TIMM9: variants seen among roughly 807,000 people sequenced by gnomAD.
TIMM9 encodes translocase of inner mitochondrial membrane 9, also known as mitochondrial import inner membrane translocase subunit Tim9.
In TIMM9, 10 loss-of-function variants were observed where a neutral mutation model predicts 13.4. The ratio of observed to expected loss-of-function variants is 0.75; its 90% confidence interval spans 0.46 to 1.26. The LOEUF (loss-of-function observed/expected upper bound fraction) is 1.26. Among genes scored for constraint, TIMM9 ranks in the 50% most tolerant of loss-of-function variants. TIMM9 has a pLI of 0.00. For missense variants in TIMM9, 87 were observed against 100.8 expected (o/e 0.86, Z 0.58); for synonymous variants, 32 against 32.1 (o/e 1.00, Z 0.01).
intron 5 of TIMM9, 50 bp downstream of exon 5, chr14:58,410,793 A>G: frequency 1.6e-6 from 2 of 1,269,546 alleles, no homozygotes; most frequent in Non-Finnish European, 1.1e-6. Flanking sequence ...GATCCTACTT[A>G]GAGTGTTTAT....
At position 58,408,834 on chromosome 14, in the gene TIMM9, G is replaced by A; in HGVS notation, c.*200C>T. On this transcript the variant is annotated 3_prime_UTR_variant, in exon 6 of 6. Coordinates refer to ENST00000395159, the MANE Select transcript of TIMM9 (RefSeq NM_012460.4). ...AAATGTTGCATCTTATTATTTCACT[G>A]AACAATAAGACCTTCTATTGTGATT... 1.3e-6 allele frequency: 1 copy of A among 768,812 alleles called. No individual in the cohort carries two copies. Among genetic ancestry groups the A allele is most frequent in the Non-Finnish European group, 2.0e-6 (1 of 499,786 alleles). The allele number at this position is 768,812 out of a possible 1,614,324, so 47.6% of individuals were successfully genotyped here.
At chr14:58,416,054 G>GA (rs796795388) in intron 3 of TIMM9, among the ~76,000 whole-genome samples, 11,674 of 121,996 alleles carry the variant, frequency 0.096, 589 homozygotes, top group African/African-American at 0.15. Flanking sequence ...CGTCCCTACT[G>GA]AAAAAAAAAA....
chr14:58,414,008 GAAAA>G (rs10656955), intron 3 of TIMM9, among the ~76,000 whole-genome samples: 1 of 24,172 alleles, frequency 4.1e-5, no homozygotes, highest in South Asian at 4.1e-3. Flanking sequence ...TTCCGTCTCA[GAAAA>G]AAAAAAAAAA....
intron 3 of TIMM9, among the ~76,000 whole-genome samples, chr14:58,417,623 AAGGG>A (rs373080212): frequency 0.013 from 1,381 of 108,886 alleles, 40 homozygotes; most frequent in African/African-American, 0.045. Context: ...GGAAGGAGGG[AAGGG>A]AGGGAGGGAG....
chr14:58,426,593 G>A (rs1310317407), intron 2 of TIMM9, among the ~76,000 whole-genome samples: 1 of 152,216 alleles, frequency 6.6e-6, no homozygotes, highest in African/African-American at 2.4e-5. Context: ...TTTTAGATCG[G>A]ATTACATTTT....
intron 3 of TIMM9, among the ~76,000 whole-genome samples, chr14:58,414,008 GAAAAAA>G (rs10656955): frequency 2.0e-3 from 49 of 24,178 alleles, no homozygotes; most frequent in South Asian, 8.3e-3. Context: ...TTCCGTCTCA[GAAAAAA>G]AAAAAAAAAA....
intron 2 of TIMM9, among the ~76,000 whole-genome samples, chr14:58,425,501 C>T (rs2036711728): frequency 6.7e-6 from 1 of 149,534 alleles, no homozygotes; most frequent in Non-Finnish European, 1.5e-5. Context: ...GAGTTGAAGG[C>T]TTCAGGGAGC....
Position 58,408,939 on chromosome 14 carries a change from C to T in TIMM9, c.*95G>A. On this transcript the variant is annotated 3_prime_UTR_variant, in exon 6 of 6. Coordinates refer to ENST00000395159, the MANE Select transcript of TIMM9 (RefSeq NM_012460.4). Reference sequence around the variant, plus strand: ...CATGACAGATGGTTGAACATGGTGGCTACTGCTTTCAGGGGATTCTATCAG... The same window carrying T: ...CATGACAGATGGTTGAACATGGTGGTTACTGCTTTCAGGGGATTCTATCAG... 1 of 1,506,722 alleles carries T rather than the reference C, an allele frequency of 6.6e-7. No homozygotes were observed. The highest frequency in any genetic ancestry group is 2.3e-5 in the East Asian group (1 of 43,454). The allele number at this position is 1,506,722 out of a possible 1,614,324, so 93.3% of individuals were successfully genotyped here.
At chr14:58,418,889 G>A (rs558417220) in intron 3 of TIMM9, among the ~76,000 whole-genome samples, 10 of 152,034 alleles carry the variant, frequency 6.6e-5, no homozygotes, top group South Asian at 6.2e-4. Context: ...GCTGATATAC[G>A]GGCTTATTGC....
Position 58,427,510 on chromosome 14 carries a change from T to C in TIMM9, c.-422A>G. On this transcript the variant is annotated 5_prime_UTR_variant, in exon 1 of 6. Coordinates refer to ENST00000395159, the MANE Select transcript of TIMM9 (RefSeq NM_012460.4). Reference sequence around the variant, plus strand: ...TCTTGGATGAGACTGTAGAGCGGTCTTGTGCGGCAATGTGCTACCTTAAAA... The same window carrying C: ...TCTTGGATGAGACTGTAGAGCGGTCCTGTGCGGCAATGTGCTACCTTAAAA... 2.2e-6 allele frequency: 3 copies of C among 1,380,010 alleles called. No individual in the cohort carries two copies. Among genetic ancestry groups the C allele is most frequent in the East Asian group, 2.5e-5 (1 of 39,952 alleles). 85.5% of individuals were successfully genotyped at this position (1,380,010 alleles called of 1,614,324 possible).
chr14:58,409,049 A>G lies in TIMM9; in HGVS notation c.255T>C (p.Leu85=), dbSNP rs2036122045. Residue 85 remains leucine (L), a synonymous_variant, in exon 6 of 6, where the codon CTT becomes CTC. Coordinates refer to ENST00000395159, the MANE Select transcript of TIMM9 (RefSeq NM_012460.4). ...NEALAAKAGL[L]GQPR ...CAGGACTTCTCTATCGTGGTTGGCC[A>G]AGGAGTCCTGCTTTGGCTGCCAGGG... is the stretch of plus-strand genomic sequence containing the variant. The G allele has an allele frequency of 6.2e-7, 1 of 1,613,448 alleles. No homozygotes were observed. The highest frequency in any genetic ancestry group is 8.5e-7 in the Non-Finnish European group (1 of 1,179,856).
intron 3 of TIMM9, among the ~76,000 whole-genome samples, chr14:58,415,903 T>C (rs1477591291): frequency 6.6e-6 from 1 of 151,834 alleles, no homozygotes; most frequent in Non-Finnish European, 1.5e-5. Flanking sequence ...CATCGACACA[T>C]AATAGTCAAA....
chr14:58,415,748 C>G (rs986047296), intron 3 of TIMM9, among the ~76,000 whole-genome samples: 2 of 151,706 alleles, frequency 1.3e-5, no homozygotes, highest in South Asian at 4.2e-4. Context: ...CATTAGAGTC[C>G]AAGAAGGAGA....
intron 3 of TIMM9, among the ~76,000 whole-genome samples, chr14:58,420,513 C>G (rs1467173174): frequency 6.6e-6 from 1 of 152,142 alleles, no homozygotes; most frequent in African/African-American, 2.4e-5. Context: ...AAACAAGCTG[C>G]TGGGTGCGGT....
chr14:58,416,870 G>A (rs1053122896), intron 3 of TIMM9, among the ~76,000 whole-genome samples: 3 of 152,170 alleles, frequency 2.0e-5, no homozygotes, highest in African/African-American at 7.2e-5. Flanking sequence ...CACTTTGGGA[G>A]GCTGAGGTGG....
At chr14:58,412,419 C>G (rs749762551) in intron 3 of TIMM9, among the ~76,000 whole-genome samples, 1 of 152,208 alleles carries the variant, frequency 6.6e-6, no homozygotes, top group Non-Finnish European at 1.5e-5. Flanking sequence ...GGATTACAGG[C>G]GTTAGCCGCC....
intron 3 of TIMM9, among the ~76,000 whole-genome samples, chr14:58,414,047 A>C (rs1247516273): frequency 7.2e-6 from 1 of 139,012 alleles, no homozygotes; most frequent in Non-Finnish European, 1.6e-5. Context: ...GGTTTGTATA[A>C]AATAAAGCTG....
rs1366503145 is a variant in TIMM9, at chr14:58,414,744, A to AAG, written c.-26-2774_-26-2773insCT. On this transcript the variant is annotated intron_variant, in intron 3 of 5. Transcript: ENST00000395159. ...ATAGTGAGACGCCATCTCAAAAAAA[A>AAG]AAAAAAAGAAAAAAAAGAAAGAAAG... Among the ~76,000 whole-genome samples, 122 of 151,404 alleles carry AAG rather than the reference A, an allele frequency of 8.1e-4. 4 individuals are homozygous for AAG. Among genetic ancestry groups the AAG allele is most frequent in the South Asian group, 8.4e-4 (4 of 4,788 alleles).
intron 3 of TIMM9, among the ~76,000 whole-genome samples, chr14:58,421,652 G>C (rs1405214091): frequency 6.6e-6 from 1 of 152,140 alleles, no homozygotes; most frequent in African/African-American, 2.4e-5. Flanking sequence ...CAGCGTGGTA[G>C]ATACTGTTAG....
Sources: gnomAD v4.1 joint callset for allele counts (sites outside exome capture counted in the v4.1 genomes callset) on GRCh38, gnomAD v4.1.1 for gene constraint, MANE v1.5 for transcripts, NCBI Gene and HGNC (gene_info 2026-07-23, HGNC 2026-07-21) for gene names.